FSIP2: variants seen among roughly 807,000 people sequenced by gnomAD.
FSIP2 encodes the protein fibrous sheath interacting protein 2.
In FSIP2, 367 loss-of-function variants were observed where a neutral mutation model predicts 510.5. The observed-to-expected ratio is 0.72, with a 90% confidence interval of 0.66 to 0.78. The LOEUF (loss-of-function observed/expected upper bound fraction) is 0.78, where lower values mean the gene tolerates loss of function less well. Ranked by LOEUF, FSIP2 falls within the 30% of genes least tolerant of loss-of-function variation. The pLI, the probability that FSIP2 is intolerant of heterozygous loss-of-function variation, is 0.00. For missense variants in FSIP2, 7,594 were observed against 7,901.7 expected (o/e 0.96, Z 1.48); for synonymous variants, 2,601 against 2,732.2 (o/e 0.95, Z 1.50).
At chr2:185,741,014 A>T (rs1222078836) in intron 2 of FSIP2, among the ~76,000 whole-genome samples, 1 of 152,224 alleles carries the variant, frequency 6.6e-6, no homozygotes, top group Non-Finnish European at 1.5e-5. Flanking sequence ...AGAGCAAGTG[A>T]ACTACAAATA....
intron 9 of FSIP2, among the ~76,000 whole-genome samples, chr2:185,759,435 ATATACT>A (rs1322557393): frequency 4.8e-5 from 7 of 145,736 alleles, no homozygotes; most frequent in African/African-American, 1.5e-4. Context: ...ACATATTTTA[ATATACT>A]TATATTTATT....
At chr2:185,764,362 C>T (rs1692417072) in intron 12 of FSIP2, 140 bp from the exon 13 acceptor site, 1 of 525,376 alleles carries the variant, frequency 1.9e-6, no homozygotes, top group South Asian at 3.0e-5. Flanking sequence ...TAAAAACGTG[C>T]ATTTCTTATA....
intron 13 of FSIP2, among the ~76,000 whole-genome samples, chr2:185,778,703 A>G (rs1692778464): frequency 6.6e-6 from 1 of 152,018 alleles, no homozygotes; most frequent in African/African-American, 2.4e-5. Flanking sequence ...GTTGAAAACA[A>G]TGAATATTGC....
At chr2:185,757,458 A>G (rs2105550683) in intron 9 of FSIP2, among the ~76,000 whole-genome samples, 1 of 150,898 alleles carries the variant, frequency 6.6e-6, no homozygotes, top group South Asian at 2.1e-4. Context: ...ATGTGTATCT[A>G]CTCTCTTGTT....
At chr2:185,767,377 A>G (rs1692510669) in intron 13 of FSIP2, among the ~76,000 whole-genome samples, 1 of 152,170 alleles carries the variant, frequency 6.6e-6, no homozygotes, top group Non-Finnish European at 1.5e-5. Context: ...GCAGTTTTTA[A>G]TGACACAATA....
chr2:185,800,191 G>A lies in FSIP2; in HGVS notation c.10885G>A (p.Val3629Ile). The A allele has an allele frequency of 1.3e-6, 2 of 1,532,344 alleles. No homozygotes were observed. Among genetic ancestry groups the A allele is most frequent in the Non-Finnish European group, 8.7e-7 (1 of 1,144,930 alleles). 94.9% of individuals were successfully genotyped at this position (1,532,344 alleles called of 1,614,324 possible). A position where few individuals can be genotyped will look rare whatever the true frequency, so the allele number is the denominator to read the frequency against. Residue 3629 changes from valine (V) to isoleucine (I), a missense_variant, in exon 17 of 23, where the codon GTA becomes ATA. Physicochemically the swap from Val to Ile is conservative, Grantham distance 29 (BLOSUM62 3). Transcript: ENST00000424728. Reference sequence around the variant, plus strand: ...AGTAGATTATCACTTTGAAAGCAATGTAAGAAACAAATCATTTTCTATGCA... The same window carrying A: ...AGTAGATTATCACTTTGAAAGCAATATAAGAAACAAATCATTTTCTATGCA... ...IEVDYHFESN[V>I]RNKSFSMHRN...
chr2:185,739,784 T>A (rs1691885474), intron 2 of FSIP2, among the ~76,000 whole-genome samples: 1 of 152,192 alleles, frequency 6.6e-6, no homozygotes, highest in African/African-American at 2.4e-5. Flanking sequence ...CTTAGAAACA[T>A]GTTTAGAAGC....
Position 185,805,972 on chromosome 2 carries a change from A to ATGTTAG in FSIP2, c.16666_16667insTGTTAG (p.Ser5556delinsMetLeuGly), listed in dbSNP as rs1186348056. On this transcript the variant is annotated protein_altering_variant, in exon 17 of 23. Transcript: ENST00000424728. ...TAAAGATACTCAGGAGCCAAATTTG[A>ATGTTAG]GTGAAACATTTAATAATAATGAAAT... 6.4e-7 allele frequency: 1 copy of ATGTTAG among 1,565,180 alleles called. No homozygotes were observed. Among genetic ancestry groups the ATGTTAG allele is most frequent in the Admixed American group, 2.1e-5 (1 of 48,280 alleles).
chr2:185,787,445 C>CTAAT (rs1233054630), intron 15 of FSIP2, among the ~76,000 whole-genome samples: 1 of 151,612 alleles, frequency 6.6e-6, no homozygotes, highest in Non-Finnish European at 1.5e-5. Context: ...TAATTTCAGA[C>CTAAT]TAATTTAGGC....
At chr2:185,821,231 C>T (rs544736425) in intron 19 of FSIP2, among the ~76,000 whole-genome samples, 2 of 151,806 alleles carry the variant, frequency 1.3e-5, no homozygotes, top group South Asian at 4.1e-4. Flanking sequence ...AAATACACAG[C>T]TTGTCAAGAC....
rs1693481478 is a variant in FSIP2 at position 185,803,165 on chromosome 2, C to T, written c.13859C>T (p.Ser4620Leu). The change falls in exon 17 of 23, where the codon TCA becomes TTA. Residue 4620 changes from serine to leucine, a missense_variant. Physicochemically the swap from Ser to Leu is moderately radical, Grantham distance 145. Coordinates refer to ENST00000424728, the MANE Select transcript of FSIP2 (RefSeq NM_173651.4). Reference sequence around the variant, plus strand: ...TTATTTTATACCAGTGTTTACTCTTCAACATTCTTGGAAGATGTAATCTCT... The same window carrying T: ...TTATTTTATACCAGTGTTTACTCTTTAACATTCTTGGAAGATGTAATCTCT... ...RQLFYTSVYS[S>L]TFLEDVISGV... 6.5e-7 allele frequency: 1 copy of T among 1,532,078 alleles called. No individual in the cohort carries two copies. The highest frequency in any genetic ancestry group is 1.4e-5 in the African/African-American group (1 of 72,768). The allele number at this position is 1,532,078 out of a possible 1,614,324, so 94.9% of individuals were successfully genotyped here.
chr2:185,803,852 A>C lies in FSIP2; in HGVS notation c.14546A>C (p.Asn4849Thr). ...GAAATATGTATTATTAAATATGGGA[A>C]TAAAAAACAGAGTATGATTTCAGCA... is the stretch of plus-strand genomic sequence containing the variant. The part of the protein sequence containing the change: ...KHEICIIKYG[N>T]KKQSMISAKD... Residue 4849 changes from asparagine (N) to threonine (T), a missense_variant, in exon 17 of 23, where the codon AAT becomes ACT. Transcript: ENST00000424728. 1 of 1,511,766 alleles carries C rather than the reference A, an allele frequency of 6.6e-7. No individual in the cohort carries two copies. Among genetic ancestry groups the C allele is most frequent in the Non-Finnish European group, 8.8e-7 (1 of 1,133,294 alleles). The allele number at this position is 1,511,766 out of a possible 1,614,324, so 93.6% of individuals were successfully genotyped here.
intron 19 of FSIP2, among the ~76,000 whole-genome samples, chr2:185,819,509 C>T (rs1232498479): frequency 6.6e-6 from 1 of 151,606 alleles, no homozygotes; most frequent in Non-Finnish European, 1.5e-5. Context: ...AAATATACCC[C>T]ATGTAAACAG....
chr2:185,814,168 T>A, intron 18 of FSIP2, 126 bp downstream of exon 18: 1 of 954,404 alleles, frequency 1.0e-6, no homozygotes. Flanking sequence ...CCTGGTGATA[T>A]TTACAGGATA....
At chr2:185,779,809 A>C (rs1028044856) in intron 13 of FSIP2, among the ~76,000 whole-genome samples, 1 of 152,070 alleles carries the variant, frequency 6.6e-6, no homozygotes, top group Non-Finnish European at 1.5e-5. Flanking sequence ...ATTCTTTAGA[A>C]AGGTCTTTAG....
chr2:185,803,232 A>G lies in FSIP2; in HGVS notation c.13926A>G (p.Val4642=), dbSNP rs1443547925. The G allele has an allele frequency of 1.3e-6, 2 of 1,529,444 alleles. No individual in the cohort carries two copies. The highest frequency in any genetic ancestry group is 1.4e-5 in the African/African-American group (1 of 72,686). 94.7% of individuals were successfully genotyped at this position (1,529,444 alleles called of 1,614,324 possible). The change falls in exon 17 of 23, where the codon GTA becomes GTG. Residue 4642 remains valine, a synonymous_variant. Coordinates refer to ENST00000424728, the MANE Select transcript of FSIP2 (RefSeq NM_173651.4). ...RKIFHRVVGI[V]QTKSIRDSED... is the part of the protein sequence containing the mutation. ...TATTCCACAGGGTAGTAGGCATTGT[A>G]CAAACAAAATCCATAAGAGATTCAG...
intron 13 of FSIP2, among the ~76,000 whole-genome samples, chr2:185,779,773 T>G (rs1258277007): frequency 6.6e-6 from 1 of 152,170 alleles, no homozygotes; most frequent in Non-Finnish European, 1.5e-5. Context: ...TTCTTGGGAT[T>G]ATTGCCATTT....
intron 14 of FSIP2, among the ~76,000 whole-genome samples, chr2:185,783,382 A>G (rs1692896837): frequency 6.6e-6 from 1 of 152,174 alleles, no homozygotes. Context: ...AATGGCAGTG[A>G]GCTTTGTATT....
At chr2:185,824,369 C>CA in intron 19 of FSIP2, 65 bp from the exon 20 acceptor site, 1 of 1,067,288 alleles carries the variant, frequency 9.4e-7, no homozygotes. Flanking sequence ...TGTTCTTTTG[C>CA]TTAACCAGTA....
Sources: allele counts gnomAD v4.1 joint callset (sites outside exome capture counted in the v4.1 genomes callset), GRCh38; gene constraint gnomAD v4.1.1; transcripts MANE v1.5; gene names NCBI Gene and HGNC (gene_info 2026-07-23, HGNC 2026-07-21).